Variants in XKR6 observed in about 807,000 individuals in gnomAD.
XKR6 encodes the protein XK related 6, also known as XK-related protein 6.
In XKR6, 22 loss-of-function variants were observed where a neutral mutation model predicts 56.7. The observed-to-expected ratio is 0.39, with a 90% CI of 0.28 to 0.55. The LOEUF is 0.55. XKR6 is among the 20% of genes least tolerant of loss of function. The pLI is 0.66. For missense variants in XKR6, 852 were observed against 889.0 expected (o/e 0.96, Z 0.53); for synonymous variants, 524 against 387.8 (o/e 1.35, Z -4.13).
intron 1 of XKR6, chr8:11,124,588 A>C (rs984502491): frequency 6.5e-6 from 1 of 153,914 alleles, no homozygotes; most frequent in Admixed American, 6.4e-5. Flanking sequence ...GTACAAGAGC[A>C]CTTTAGGGTT....
chr8:11,075,929 C>G (rs915181262), intron 1 of XKR6, among the ~76,000 whole-genome samples: 1 of 152,178 alleles, frequency 6.6e-6, no homozygotes, highest in Non-Finnish European at 1.5e-5. Flanking sequence ...TCTGTGCTCA[C>G]AGCAGCATGA....
intron 1 of XKR6, among the ~76,000 whole-genome samples, chr8:10,977,192 T>C (rs1439044434): frequency 6.6e-6 from 1 of 152,264 alleles, no homozygotes; most frequent in South Asian, 2.1e-4. Flanking sequence ...GCAGAGGTTG[T>C]CCAGGCCAGC....
At chr8:11,059,675 TGCGGCGGGC>T (rs1799781573) in intron 1 of XKR6, among the ~76,000 whole-genome samples, 1 of 125,366 alleles carries the variant, frequency 8.0e-6, no homozygotes, top group African/African-American at 4.5e-5. Flanking sequence ...GCGGGACAGG[TGCGGCGGGC>T]GCGGGGCGGG....
intron 1 of XKR6, among the ~76,000 whole-genome samples, chr8:11,016,041 G>A (rs1360201510): frequency 6.6e-6 from 1 of 152,136 alleles, no homozygotes; most frequent in Non-Finnish European, 1.5e-5. Flanking sequence ...CGCACCGTCG[G>A]CGATCCCTGC....
At chr8:11,141,283 C>G (rs1157720619) in intron 1 of XKR6, among the ~76,000 whole-genome samples, 1 of 152,090 alleles carries the variant, frequency 6.6e-6, no homozygotes, top group East Asian at 1.9e-4. Flanking sequence ...GAATATGTCC[C>G]TCCAAAATTC....
chr8:11,151,191 T>C (rs564637340), intron 1 of XKR6, among the ~76,000 whole-genome samples: 7 of 152,274 alleles, frequency 4.6e-5, no homozygotes, highest in African/African-American at 1.7e-4. Flanking sequence ...AAAATAATAA[T>C]TTTTGTCCCA....
chr8:11,144,425 G>C (rs539356527), intron 1 of XKR6, among the ~76,000 whole-genome samples: 1 of 151,654 alleles, frequency 6.6e-6, no homozygotes, highest in East Asian at 1.9e-4. Context: ...GTCTGCTGGA[G>C]CAAAGTCGAG....
intron 1 of XKR6, among the ~76,000 whole-genome samples, chr8:11,095,441 A>C (rs749417663): frequency 4.1e-4 from 62 of 152,388 alleles, no homozygotes; most frequent in African/African-American, 1.0e-3. Flanking sequence ...AGAAATGATC[A>C]CATGCCAGTC....
chr8:11,123,694 A>C (rs1799593555), intron 1 of XKR6: 1 of 362,950 alleles, frequency 2.8e-6, no homozygotes, highest in Non-Finnish European at 5.4e-6. Flanking sequence ...TCTATATTTC[A>C]TATTTTTCAA....
At chr8:11,144,109 C>T (rs1442998099) in intron 1 of XKR6, among the ~76,000 whole-genome samples, 1 of 151,984 alleles carries the variant, frequency 6.6e-6, no homozygotes, top group Non-Finnish European at 1.5e-5. Flanking sequence ...CAAACATAGT[C>T]ATACTGGGGG....
chr8:11,200,459 G>C lies in XKR6; in HGVS notation c.764+117C>G, dbSNP rs1309888037. ...GAGACGCCAGGGGCGGCGCGCGGCC[G>C]GTCCCTCCTTCGAGCCCCCCGCGCT... On this transcript the variant is annotated intron_variant, in intron 1 of 2. Transcript: ENST00000416569. The surrounding 1 kb of genome is among the most constrained non-coding windows in gnomAD (Gnocchi z 6.4). 8.0e-7 allele frequency: 1 copy of C among 1,253,474 alleles called. No individual in the cohort carries two copies. Among genetic ancestry groups the C allele is most frequent in the Non-Finnish European group, 1.0e-6 (1 of 980,124 alleles). The allele number at this position is 1,253,474 out of a possible 1,614,324, so 77.6% of individuals were successfully genotyped here.
At chr8:10,960,209 G>A (rs560985626) in intron 1 of XKR6, among the ~76,000 whole-genome samples, 63 of 151,704 alleles carry the variant, frequency 4.2e-4, no homozygotes, top group African/African-American at 1.5e-3. Flanking sequence ...TACAGCAGGT[G>A]GGTGCAGGTA....
In XKR6 at chr8:11,112,315, A is replaced by G. The variant is rs183988301; in HGVS notation, c.764+88261T>C. On this transcript the variant is annotated intron_variant, in intron 1 of 2. Coordinates refer to ENST00000416569, the MANE Select transcript of XKR6 (RefSeq NM_173683.4). Reference sequence around the variant, plus strand: ...TTTTTTTAGTCGAGTAATAGCGGTTACAGTCTTTGTGCTTCTATTACATTA... The same window carrying G: ...TTTTTTTAGTCGAGTAATAGCGGTTGCAGTCTTTGTGCTTCTATTACATTA... 3.9e-5 allele frequency among the ~76,000 whole-genome samples: 6 copies of G among 152,324 alleles called. No individual in the cohort carries two copies. In the East Asian group the frequency reaches 1.2e-3, roughly 29 times the overall value.
chr8:10,905,686 G>T (rs1386637893), intron 2 of XKR6, among the ~76,000 whole-genome samples: 1 of 152,160 alleles, frequency 6.6e-6, no homozygotes, highest in Non-Finnish European at 1.5e-5. Flanking sequence ...CCCTCCTGGG[G>T]AAGCTAACAT....
At chr8:10,899,226 G>A (rs1247816719) in intron 2 of XKR6, among the ~76,000 whole-genome samples, 1 of 152,246 alleles carries the variant, frequency 6.6e-6, no homozygotes, top group Non-Finnish European at 1.5e-5. Context: ...GCAGCCCTTT[G>A]TGGGTTCCGC....
chr8:10,991,057 A>G (rs983663150), intron 1 of XKR6, among the ~76,000 whole-genome samples: 15 of 151,428 alleles, frequency 9.9e-5, no homozygotes, highest in African/African-American at 3.4e-4. Flanking sequence ...GCACCCACCA[A>G]CATGCCCAGC....
chr8:10,988,264 A>T (rs1797908067), intron 1 of XKR6, among the ~76,000 whole-genome samples: 1 of 152,156 alleles, frequency 6.6e-6, no homozygotes, highest in South Asian at 2.1e-4. Flanking sequence ...TTTGTTTGTT[A>T]CTGTTTCCCC....
chr8:11,040,825 G>A (rs985232164), intron 1 of XKR6, among the ~76,000 whole-genome samples: 6 of 152,190 alleles, frequency 3.9e-5, no homozygotes, highest in African/African-American at 1.4e-4. Flanking sequence ...CACTCTGGCT[G>A]TAGCTAATGG....
At chr8:11,119,986 C>T (rs1408999401) in intron 1 of XKR6, among the ~76,000 whole-genome samples, 9 of 152,254 alleles carry the variant, frequency 5.9e-5, no homozygotes, top group East Asian at 1.9e-4. Flanking sequence ...AATTCAACAA[C>T]GCTTCATGCT....
Sources: allele counts gnomAD v4.1 joint callset (sites outside exome capture counted in the v4.1 genomes callset), GRCh38; gene constraint gnomAD v4.1.1; non-coding constraint Gnocchi (gnomAD v3.1); transcripts MANE v1.5; gene names NCBI Gene and HGNC (gene_info 2026-07-23, HGNC 2026-07-21).